Variants in LRRC31 observed in about 807,000 individuals in gnomAD.
LRRC31 encodes the protein leucine-rich repeat-containing protein 31.
A neutral mutation model predicts 46.7 loss-of-function variants in LRRC31; 35 were observed. The ratio of observed to expected loss-of-function variants is 0.75; its 90% CI spans 0.57 to 0.99. The LOEUF is 0.99. Among genes scored for constraint, LRRC31 ranks in the 50% least tolerant of loss-of-function variants. The pLI is 0.00. For missense variants in LRRC31, 613 were observed against 626.1 expected, an observed-to-expected ratio of 0.98 and a Z score of 0.22; for synonymous variants, 236 against 235.1, an observed-to-expected ratio of 1.00 and a Z score of -0.03.
chr3:169,856,318 C>A lies in LRRC31; in HGVS notation c.823+18G>T. On this transcript the variant is annotated intron_variant, in intron 5 of 8. Transcript: ENST00000316428. ...ATAATTATACATGTAATCTTAAATC[C>A]AGCCATTGTTAACTCACCCAATATT... 1 of 1,493,436 alleles carries A rather than the reference C, an allele frequency of 6.7e-7. No individual in the cohort carries two copies. 92.5% of individuals were successfully genotyped at this position (1,493,436 alleles called of 1,614,324 possible). A position where few individuals can be genotyped will look rare whatever the true frequency, so the allele number is the denominator to read the frequency against.
At chr3:169,848,003 G>A in intron 8 of LRRC31, 117 bp downstream of exon 8, 1 of 947,970 alleles carries the variant, frequency 1.1e-6, no homozygotes, top group Non-Finnish European at 1.6e-6. Flanking sequence ...AAGGGAATCT[G>A]CACAGAGGGC....
chr3:169,847,700 A>G (rs2108204013), intron 8 of LRRC31, among the ~76,000 whole-genome samples: 1 of 152,324 alleles, frequency 6.6e-6, no homozygotes, highest in Admixed American at 6.5e-5. Context: ...TGATACCTGT[A>G]TTTCAGTTAC....
chr3:169,861,836 A>C (rs781306447), intron 1 of LRRC31, 23 bp from the exon 2 acceptor site: 6 of 1,608,932 alleles, frequency 3.7e-6, no homozygotes, highest in Middle Eastern at 3.3e-4. Context: ...CATAAAAAAG[A>C]ATTTGCTGTT....
At chr3:169,868,471 T>C (rs1035346795) in intron 1 of LRRC31, among the ~76,000 whole-genome samples, 1 of 152,216 alleles carries the variant, frequency 6.6e-6, no homozygotes, top group Non-Finnish European at 1.5e-5. Flanking sequence ...TTTCTTCATA[T>C]CACTTATCAC....
intron 8 of LRRC31, among the ~76,000 whole-genome samples, chr3:169,846,725 T>C (rs1055143706): frequency 3.9e-5 from 6 of 152,138 alleles, no homozygotes; most frequent in Admixed American, 3.9e-4. Flanking sequence ...ACACCCTCTT[T>C]CCACCAATGG....
intron 1 of LRRC31, among the ~76,000 whole-genome samples, chr3:169,862,472 C>T (rs1415770557): frequency 6.6e-6 from 1 of 152,150 alleles, no homozygotes; most frequent in African/African-American, 2.4e-5. Context: ...ACTGTAATAA[C>T]ATGCTAGTGG....
chr3:169,847,987 G>T, intron 8 of LRRC31, 133 bp downstream of exon 8: 1 of 766,002 alleles, frequency 1.3e-6, no homozygotes, highest in Non-Finnish European at 2.1e-6. Context: ...GGCAGATGTT[G>T]GTGAGAAGGG....
In LRRC31 at chr3:169,855,039, C is replaced by T; in HGVS notation, c.824-59G>A. 2.0e-6 allele frequency: 3 copies of T among 1,471,242 alleles called. No individual in the cohort carries two copies. In the South Asian group the frequency reaches 3.6e-5, roughly 18 times the overall value. 91.1% of individuals were successfully genotyped at this position (1,471,242 alleles called of 1,614,324 possible). On this transcript the variant is annotated intron_variant, in intron 5 of 8. Transcript: ENST00000316428. ...TGGACACAGTGGTGTACCTATAGTC[C>T]CAGCTGCTAGGGAGACCAAGGCAGG...
At chr3:169,862,817 T>G (rs1209177666) in intron 1 of LRRC31, among the ~76,000 whole-genome samples, 1 of 151,972 alleles carries the variant, frequency 6.6e-6, no homozygotes, top group African/African-American at 2.4e-5. Flanking sequence ...GCTATCATTT[T>G]ATTGAGCACC....
At position 169,848,173 on chromosome 3, in the gene LRRC31, T is replaced by C; in HGVS notation, c.1274A>G (p.Gln425Arg). ...GGAACAGCTGCTCAGCCTCAGCACT[T>C]GAAGAGACATGGAAAGCTTTAGTGT... Reference protein sequence around the residue: ...LETLKLSMSLQVLRLSSCSLV... With the variant: ...LETLKLSMSLRVLRLSSCSLV... Residue 425 changes from glutamine (Q) to arginine (R), a missense_variant, in exon 8 of 9, where the codon CAA becomes CGA. Transcript: ENST00000316428. 6.2e-7 allele frequency: 1 copy of C among 1,614,204 alleles called. No homozygotes were observed.
chr3:169,855,088 C>T (rs1780901824), intron 5 of LRRC31, 108 bp from the exon 6 acceptor site: 7 of 927,558 alleles, frequency 7.5e-6, no homozygotes, highest in South Asian at 3.3e-5. Context: ...CCCCGGAGTT[C>T]GAGTCCAGCT....
rs376113477 is a variant in LRRC31 at position 169,869,811 on chromosome 3, G to T, written c.-4C>A. On this transcript the variant is annotated 5_prime_UTR_variant, in exon 1 of 9. An upstream open reading frame in the 5' UTR gains an earlier in-frame stop. Coordinates refer to ENST00000316428, the MANE Select transcript of LRRC31 (RefSeq NM_024727.4). ...TTTTCTTCCTTGTTTGACTCATGGT[G>T]AAGTTGATGGGGGTAGTTCCCAATA... is the stretch of plus-strand genomic sequence containing the variant. 7.3e-5 allele frequency: 118 copies of T among 1,609,872 alleles called. No individual in the cohort carries two copies. Among genetic ancestry groups the T allele is most frequent in the Non-Finnish European group, 9.0e-5 (106 of 1,178,528 alleles).
intron 2 of LRRC31, 82 bp from the exon 3 acceptor site, chr3:169,860,810 A>C: frequency 7.1e-7 from 1 of 1,400,182 alleles, no homozygotes; most frequent in Middle Eastern, 1.8e-4. Context: ...TTACATACAC[A>C]GGATATAGTT....
intron 8 of LRRC31, 25 bp downstream of exon 8, chr3:169,848,095 C>G: frequency 6.3e-7 from 1 of 1,599,400 alleles, no homozygotes; most frequent in Non-Finnish European, 8.5e-7. Flanking sequence ...TTGCCAAGAC[C>G]GCTTGGGAAC....
chr3:169,867,062 T>G (rs1240700260), intron 1 of LRRC31, among the ~76,000 whole-genome samples: 1 of 143,624 alleles, frequency 7.0e-6, no homozygotes, highest in Non-Finnish European at 1.5e-5. Context: ...TTTGTTTGTT[T>G]TTTTTTTTTT....
intron 3 of LRRC31, 67 bp downstream of exon 3, chr3:169,860,494 T>G (rs1246383723): frequency 2.7e-5 from 41 of 1,537,090 alleles, no homozygotes; most frequent in Non-Finnish European, 3.4e-5. Context: ...TCCCAAAGTG[T>G]TAGGATTACA....
intron 6 of LRRC31, chr3:169,853,111 GGGTATGCATC>G: frequency 6.6e-6 from 3 of 451,938 alleles, no homozygotes; most frequent in Non-Finnish European, 8.8e-6. Context: ...CATGTAGTTT[GGGTATGCATC>G]GGTTTACTCC....
At chr3:169,863,575 G>A (rs913964093) in intron 1 of LRRC31, among the ~76,000 whole-genome samples, 2 of 152,190 alleles carry the variant, frequency 1.3e-5, no homozygotes, top group African/African-American at 4.8e-5. Flanking sequence ...TCCTTGTTGG[G>A]ATGCTTGGTG....
chr3:169,865,183 G>A (rs1388892917), intron 1 of LRRC31, among the ~76,000 whole-genome samples: 8 of 151,702 alleles, frequency 5.3e-5, no homozygotes, highest in Non-Finnish European at 1.2e-4. Flanking sequence ...CCCGGGAGGT[G>A]GAGTTGCAGT....
Sources: allele counts gnomAD v4.1 joint callset (sites outside exome capture counted in the v4.1 genomes callset), GRCh38; gene constraint gnomAD v4.1.1; transcripts MANE v1.5; gene names NCBI Gene and HGNC (gene_info 2026-07-23, HGNC 2026-07-21).